DLGAP2: variants seen among roughly 807,000 people sequenced by gnomAD.
DLGAP2 encodes the protein DLG associated protein 2, also known as disks large-associated protein 2.
In DLGAP2, 26 loss-of-function variants were observed where a neutral mutation model predicts 100.3. The observed-to-expected ratio is 0.26, with a 90% confidence interval of 0.19 to 0.36. The LOEUF is 0.36. Among genes scored for constraint, DLGAP2 ranks in the 10% least tolerant of loss-of-function variants. The pLI is 1.00. For synonymous variants in DLGAP2, 886 were observed against 630.1 expected, an observed-to-expected ratio of 1.41 and a Z score of -6.08; for missense variants, 1,858 against 1,453.2, an observed-to-expected ratio of 1.28 and a Z score of -4.53.
At chr8:786,836 G>C (rs1013132143) in intron 1 of DLGAP2, among the ~76,000 whole-genome samples, 2 of 151,830 alleles carry the variant, frequency 1.3e-5, no homozygotes, top group Admixed American at 1.3e-4. Flanking sequence ...GTCTCAGTGA[G>C]ACCTGTGAAC....
At chr8:1,527,267 T>G (rs1042982676) in intron 4 of DLGAP2, among the ~76,000 whole-genome samples, 6 of 152,220 alleles carry the variant, frequency 3.9e-5, no homozygotes, top group African/African-American at 1.4e-4. Flanking sequence ...GAGCCTTTGC[T>G]GCCCCATGCC....
chr8:986,166 C>T (rs897579779), intron 2 of DLGAP2, among the ~76,000 whole-genome samples: 1 of 152,002 alleles, frequency 6.6e-6, no homozygotes, highest in Non-Finnish European at 1.5e-5. Flanking sequence ...GGGAGTGTGA[C>T]TGGTTGGGAA....
chr8:1,618,135 C>A (rs547732324), intron 6 of DLGAP2, among the ~76,000 whole-genome samples: 1 of 152,040 alleles, frequency 6.6e-6, no homozygotes, highest in Non-Finnish European at 1.5e-5. Context: ...AGAAAAAGCA[C>A]GAAATTTAAA....
At chr8:1,367,846 C>G (rs1253150390) in intron 3 of DLGAP2, among the ~76,000 whole-genome samples, 1 of 152,138 alleles carries the variant, frequency 6.6e-6, no homozygotes, top group Non-Finnish European at 1.5e-5. Context: ...TAGCCTTTAT[C>G]TAGACATAAA....
chr8:895,468 C>G lies in DLGAP2; in HGVS notation c.19-12444C>G, dbSNP rs151105894. On this transcript the variant is annotated intron_variant, in intron 1 of 14. Coordinates refer to ENST00000637795, the MANE Select transcript of DLGAP2 (RefSeq NM_001346810.2). ...CGGTCTCTGGACGCTGCCCGTCCCCCCTTCTGAGACCACACGCTTGGCGCT... is the reference window on the plus strand; with the variant it reads ...CGGTCTCTGGACGCTGCCCGTCCCCGCTTCTGAGACCACACGCTTGGCGCT... 1.1e-3 allele frequency among the ~76,000 whole-genome samples: 160 copies of G among 152,292 alleles called. 2 individuals are homozygous for G. The highest frequency in any genetic ancestry group is 3.5e-3 in the African/African-American group (146 of 41,538).
intron 3 of DLGAP2, among the ~76,000 whole-genome samples, chr8:1,415,015 A>G (rs1435419958): frequency 1.4e-5 from 2 of 145,118 alleles, no homozygotes. Context: ...TCTCAAAAGA[A>G]AAAAAAAGAA....
At chr8:1,556,928 A>C (rs1052921332) in intron 5 of DLGAP2, among the ~76,000 whole-genome samples, 3 of 152,008 alleles carry the variant, frequency 2.0e-5, no homozygotes, top group Admixed American at 1.3e-4. Context: ...AGCATTTCTC[A>C]AGCTCAGCAC....
intron 3 of DLGAP2, among the ~76,000 whole-genome samples, chr8:1,346,857 G>A (rs1801571727): frequency 6.6e-6 from 1 of 152,010 alleles, no homozygotes; most frequent in Non-Finnish European, 1.5e-5. Context: ...GTAGCTGTGT[G>A]GAGGTTGAGT....
At chr8:1,505,593 C>G (rs1288104031) in intron 4 of DLGAP2, among the ~76,000 whole-genome samples, 1 of 152,154 alleles carries the variant, frequency 6.6e-6, no homozygotes, top group South Asian at 2.1e-4. Flanking sequence ...GGGAAAATGG[C>G]TGTGAAATAT....
intron 2 of DLGAP2, among the ~76,000 whole-genome samples, chr8:947,435 T>C (rs11782319): frequency 0.42 from 63,024 of 151,852 alleles, 13,524 homozygotes; most frequent in Admixed American, 0.55. Flanking sequence ...ACAGGCCCCT[T>C]ACGTCCGCGC....
chr8:1,114,825 G>A (rs1237328815), intron 2 of DLGAP2, among the ~76,000 whole-genome samples: 2 of 152,042 alleles, frequency 1.3e-5, no homozygotes, highest in African/African-American at 2.4e-5. Flanking sequence ...TTTTGATGTG[G>A]CATTTAGTGC....
intron 2 of DLGAP2, among the ~76,000 whole-genome samples, chr8:1,227,156 A>AGAT (rs1798436296): frequency 7.7e-6 from 1 of 130,714 alleles, no homozygotes; most frequent in African/African-American, 3.1e-5. Flanking sequence ...ACTGTGAGAT[A>AGAT]TATATATATA....
chr8:1,287,564 C>T (rs72507638), intron 3 of DLGAP2, among the ~76,000 whole-genome samples: 4 of 69,590 alleles, frequency 5.7e-5, no homozygotes, highest in East Asian at 4.7e-4. Flanking sequence ...TGGTTCTGTT[C>T]GGAGGGGAAC....
intron 2 of DLGAP2, among the ~76,000 whole-genome samples, chr8:1,032,085 C>T (rs932328600): frequency 1.3e-5 from 2 of 152,236 alleles, no homozygotes; most frequent in Admixed American, 6.5e-5. Context: ...AAAATGTCCA[C>T]GTTTCTGAAA....
intron 2 of DLGAP2, among the ~76,000 whole-genome samples, chr8:1,163,973 G>T (rs945554966): frequency 2.5e-4 from 38 of 152,212 alleles, no homozygotes; most frequent in Non-Finnish European, 1.2e-4. Context: ...CCTCCTAGAC[G>T]AGAGCCCTCT....
In DLGAP2 at chr8:1,011,099, C is replaced by G. The variant is rs529718151; in HGVS notation, c.73+103133C>G. 1.1e-4 allele frequency among the ~76,000 whole-genome samples: 17 copies of G among 150,842 alleles called. No individual in the cohort carries two copies. The South Asian group carries it at 3.6e-3, about 32-fold the overall frequency. On this transcript the variant is annotated intron_variant, in intron 2 of 14. Transcript: ENST00000637795. ...CACAGTGAGCCCTGGAATGAGGTAC[C>G]TTAGTCTGCACAGTGAGCCCGGGCG... is the stretch of plus-strand genomic sequence containing the variant.
intron 3 of DLGAP2, among the ~76,000 whole-genome samples, chr8:1,464,297 G>A (rs1474765699): frequency 0.15 from 10,863 of 71,334 alleles, 1,308 homozygotes; most frequent in East Asian, 0.37. Flanking sequence ...GCCCTTCCAG[G>A]ATGGCACCCT....
At position 1,701,432 on chromosome 8, in the gene DLGAP2, G is replaced by C. The variant is rs768355399; in HGVS notation, c.*26G>C. ...GGGCGGAGGCCGGCGCCTTCCCCTC[G>C]TCGCTTCCGCTTTCCCGGACGCTTG... On this transcript the variant is annotated 3_prime_UTR_variant, in exon 15 of 15. Transcript: ENST00000637795. 103 of 1,553,846 alleles carry C rather than the reference G, an allele frequency of 6.6e-5. No homozygotes were observed. In the East Asian group the frequency reaches 2.4e-3, roughly 36 times the overall value.
chr8:1,063,358 G>T (rs150567147), intron 2 of DLGAP2, among the ~76,000 whole-genome samples: 1 of 152,008 alleles, frequency 6.6e-6, no homozygotes, highest in Admixed American at 6.6e-5. Context: ...TTTTGACAAG[G>T]GTCTCTGCGA....
Sources: gnomAD v4.1 joint callset for allele counts (sites outside exome capture counted in the v4.1 genomes callset) on GRCh38, gnomAD v4.1.1 for gene constraint, MANE v1.5 for transcripts, NCBI Gene and HGNC (gene_info 2026-07-23, HGNC 2026-07-21) for gene names.